PLEKHG5: variants seen among roughly 807,000 people sequenced by gnomAD.
PLEKHG5 encodes the protein pleckstrin homology and RhoGEF domain containing G5.
Under a neutral mutation model 103.8 loss-of-function variants are expected in PLEKHG5, and 52 were observed. That is an observed-to-expected ratio of 0.50 (90% CI 0.40 to 0.63). PLEKHG5 has a LOEUF of 0.63. Among genes scored for constraint, PLEKHG5 ranks in the 30% least tolerant of loss-of-function variants. The pLI is 0.00. For synonymous variants in PLEKHG5, 592 were observed against 575.5 expected, an observed-to-expected ratio of 1.03 and a Z score of -0.41; for missense variants, 1,205 against 1,347.6, an observed-to-expected ratio of 0.89 and a Z score of 1.66.
intron 9 of PLEKHG5, 63 bp downstream of exon 9, chr1:6,472,923 G>C (rs1469913454): frequency 4.0e-6 from 6 of 1,488,226 alleles, no homozygotes; most frequent in Non-Finnish European, 5.6e-6. Flanking sequence ...TGATCACTGG[G>C]TCCTCCCGAG....
intron 1 of PLEKHG5, among the ~76,000 whole-genome samples, chr1:6,489,865 C>G (rs1422929837): frequency 6.6e-6 from 1 of 152,218 alleles, no homozygotes; most frequent in Non-Finnish European, 1.5e-5. Context: ...TAAAATACCC[C>G]CGAGCTCCCT....
chr1:6,490,452 CAGG>C lies in PLEKHG5; in HGVS notation c.-88+1182_-88+1184del. 1 of 983,580 alleles carries C rather than the reference CAGG, an allele frequency of 1.0e-6. No homozygotes were observed. Among genetic ancestry groups the C allele is most frequent in the Non-Finnish European group, 1.2e-6 (1 of 829,970 alleles). 60.9% of individuals were successfully genotyped at this position (983,580 alleles called of 1,614,324 possible). On this transcript the variant is annotated intron_variant, in intron 1 of 20. Transcript: ENST00000377728. This position sits in a 1 kb window ranked among gnomAD's most constrained non-coding sequence, Gnocchi z 8.0. ...CACTTCCCCGCGACTCACCTAGGAA[CAGG>C]ACCAGGGTCTCCTCCCCGGTGTCTA... is the stretch of plus-strand genomic sequence containing the variant.
At chr1:6,519,825 T>C in exon 1 of PLEKHG5, 1 of 475,370 alleles carries the variant, frequency 2.1e-6, no homozygotes, top group Non-Finnish European at 3.9e-6. Flanking sequence ...TGGTTCCTTC[T>C]TGGATTTTCC....
intron 1 of PLEKHG5, among the ~76,000 whole-genome samples, chr1:6,481,744 G>A (rs1569920689): frequency 1.3e-5 from 2 of 148,952 alleles, no homozygotes; most frequent in African/African-American, 5.0e-5. Flanking sequence ...CACGCCTGTA[G>A]TCCCAGCTAC....
intron 5 of PLEKHG5, 85 bp downstream of exon 5, chr1:6,474,962 C>T: frequency 1.1e-6 from 1 of 874,580 alleles, no homozygotes; most frequent in Non-Finnish European, 2.0e-6. Flanking sequence ...ACACACACGT[C>T]ACACCTGCAG....
upstream of PLEKHG5, chr1:6,497,538 C>CCTCCCCGG (rs1645247023): frequency 6.4e-6 from 1 of 155,554 alleles, no homozygotes; most frequent in African/African-American, 2.4e-5. The surrounding 1 kb of genome is among the most constrained non-coding windows in gnomAD (Gnocchi z 6.1). Context: ...GTCACCCCTC[C>CCTCCCCGG]CTCCCCGGCT....
At chr1:6,474,363 C>A in intron 6 of PLEKHG5, 88 bp downstream of exon 6, 2 of 1,526,956 alleles carry the variant, frequency 1.3e-6, no homozygotes, top group East Asian at 4.6e-5. Flanking sequence ...GGCCCACGAC[C>A]AATGGGAACC....
chr1:6,501,234 C>T (rs572982593), upstream of PLEKHG5, among the ~76,000 whole-genome samples: 1 of 152,162 alleles, frequency 6.6e-6, no homozygotes, highest in Non-Finnish European at 1.5e-5. This position sits in a 1 kb window ranked among gnomAD's most constrained non-coding sequence, Gnocchi z 4.3. Flanking sequence ...GCAGGCCCCT[C>T]ACTCCGCTAC....
Position 6,477,587 on chromosome 1 carries a change from G to A in PLEKHG5, c.-16C>T. 6.2e-7 allele frequency: 1 copy of A among 1,612,112 alleles called. No individual in the cohort carries two copies. The highest frequency in any genetic ancestry group is 8.5e-7 in the Non-Finnish European group (1 of 1,179,916). ...CATAATGCATGGTGCTGTGGAACTTGCTGTCACAGGCCTCGCAGAGGTTGA... is the reference window on the plus strand; with the variant it reads ...CATAATGCATGGTGCTGTGGAACTTACTGTCACAGGCCTCGCAGAGGTTGA... On this transcript the variant is annotated 5_prime_UTR_variant, in exon 2 of 21. Coordinates refer to ENST00000377728, the MANE Select transcript of PLEKHG5 (RefSeq NM_020631.6).
rs1645009072 is a variant in PLEKHG5 at position 6,485,480 on chromosome 1, G to T, written c.-88+6157C>A. On this transcript the variant is annotated intron_variant, in intron 1 of 20. Transcript: ENST00000377728. ...GAAGCCGCGGTCTGCGCCGCCCGCC[G>T]GACAAAGCGCGGAGCCCCGCTTCCT... 5 of 1,243,944 alleles carry T rather than the reference G, an allele frequency of 4.0e-6. No individual in the cohort carries two copies. In the South Asian group the frequency reaches 1.3e-4, roughly 34 times the overall value. 77.1% of individuals were successfully genotyped at this position (1,243,944 alleles called of 1,614,324 possible). A position where few individuals can be genotyped will look rare whatever the true frequency, so the allele number is the denominator to read the frequency against.
intron 1 of PLEKHG5, chr1:6,485,484 A>G: frequency 8.0e-7 from 1 of 1,243,266 alleles, no homozygotes; most frequent in Non-Finnish European, 1.0e-6. Flanking sequence ...CCCGCCGGAC[A>G]AAGCGCGGAG....
At chr1:6,483,558 G>A (rs2148609991) in intron 1 of PLEKHG5, among the ~76,000 whole-genome samples, 1 of 152,320 alleles carries the variant, frequency 6.6e-6, no homozygotes, top group East Asian at 1.9e-4. Context: ...CCAGCTACTT[G>A]GGAGGCTGAG....
At chr1:6,470,444 C>T in intron 15 of PLEKHG5, 62 bp downstream of exon 15, 4 of 1,611,852 alleles carry the variant, frequency 2.5e-6, no homozygotes, top group Non-Finnish European at 3.4e-6. Flanking sequence ...AGCACAGCCC[C>T]TGCCTGCCAG....
At chr1:6,481,552 TAAATAAA>T (rs1027369597) in intron 1 of PLEKHG5, among the ~76,000 whole-genome samples, 1 of 143,854 alleles carries the variant, frequency 7.0e-6, no homozygotes, top group Non-Finnish European at 1.5e-5. Context: ...AATAAATAAA[TAAATAAA>T]TAAATATATA....
chr1:6,501,194 C>G (rs563722026), upstream of PLEKHG5, among the ~76,000 whole-genome samples: 4 of 152,292 alleles, frequency 2.6e-5, no homozygotes, highest in Non-Finnish European at 5.9e-5. This position sits in a 1 kb window ranked among gnomAD's most constrained non-coding sequence, Gnocchi z 4.3. Context: ...CTTCCAGCCC[C>G]CACAGTCCAC....
At chr1:6,516,786 T>TG (rs200942738) in intron 1 of PLEKHG5, among the ~76,000 whole-genome samples, 1,013 of 85,264 alleles carry the variant, frequency 0.012, 9 homozygotes, top group African/African-American at 0.033. Context: ...TGTGTGTGTG[T>TG]TATATATATG....
Position 6,505,582 on chromosome 1 carries a change from G to C in PLEKHG5, c.-164-9013C>G, listed in dbSNP as rs1349657985. 1.3e-5 allele frequency among the ~76,000 whole-genome samples: 2 copies of C among 152,134 alleles called. No individual in the cohort carries two copies. The highest frequency in any genetic ancestry group is 2.9e-5 in the Non-Finnish European group (2 of 68,034). ...GCCTCTTCAGGGGCTTAAACTCCCT[G>C]TACCTCTGTTTCCTCATCTGTAAAA... On this transcript the variant is annotated intron_variant, in intron 1 of 21. Coordinates refer to the PLEKHG5 transcript ENST00000377740. The surrounding 1 kb of genome is among the most constrained non-coding windows in gnomAD (Gnocchi z 4.2).
intron 1 of PLEKHG5, among the ~76,000 whole-genome samples, chr1:6,504,627 T>C (rs962413735): frequency 2.0e-5 from 3 of 150,658 alleles, no homozygotes; most frequent in Non-Finnish European, 2.9e-5. Context: ...TGGAGTGCAG[T>C]GGCACAATCT....
chr1:6,472,800 GC>G (rs1033671827), intron 9 of PLEKHG5, among the ~76,000 whole-genome samples, 178 bp from the exon 10 acceptor site: 1 of 152,182 alleles, frequency 6.6e-6, no homozygotes, highest in African/African-American at 2.4e-5. Context: ...CAAGATCTGG[GC>G]CCTCCTCTGC....
Sources: allele counts gnomAD v4.1 joint callset (sites outside exome capture counted in the v4.1 genomes callset), GRCh38; gene constraint gnomAD v4.1.1; non-coding constraint Gnocchi (gnomAD v3.1); transcripts MANE v1.5; gene names NCBI Gene and HGNC (gene_info 2026-07-23, HGNC 2026-07-21).